Variants in COPS7B observed in about 807,000 individuals in gnomAD.
The protein encoded by COPS7B is COP9 signalosome subunit 7B.
Under a neutral mutation model 33.4 loss-of-function variants are expected in COPS7B, and 9 were observed. The observed-to-expected ratio is 0.27, with a 90% CI of 0.16 to 0.47. The LOEUF (loss-of-function observed/expected upper bound fraction) is 0.47. Ranked by LOEUF, COPS7B falls within the 20% of genes least tolerant of loss-of-function variation. The pLI, the probability that COPS7B is intolerant of heterozygous loss-of-function variation, is 0.99. For missense variants in COPS7B, 242 were observed against 318.2 expected (o/e 0.76, Z 1.82); for synonymous variants, 119 against 126.3 (o/e 0.94, Z 0.39).
upstream of COPS7B, chr2:231,786,070 T>C (rs2049231393): frequency 6.6e-6 from 1 of 152,036 alleles, no homozygotes; most frequent in African/African-American, 2.4e-5. Context: ...TGGCACATGG[T>C]AAAACGCTCA....
intron 6 of COPS7B, among the ~76,000 whole-genome samples, chr2:231,807,214 T>A (rs1263855262): frequency 6.6e-6 from 1 of 152,178 alleles, no homozygotes; most frequent in Non-Finnish European, 1.5e-5. Flanking sequence ...TAATCACGAT[T>A]TATTTCACTG....
rs2049958223 is a variant in COPS7B at position 231,808,442 on chromosome 2, T to G, written c.*797T>G. On this transcript the variant is annotated 3_prime_UTR_variant, in exon 7 of 7. Coordinates refer to ENST00000350033, the MANE Select transcript of COPS7B (RefSeq NM_022730.4). ...GTAGGCCCCAGCTGCCCACTGGAAC[T>G]GCCGGCTAATGCTTGCTCTCCCAAG... 2.1e-6 allele frequency: 1 copy of G among 471,590 alleles called. No homozygotes were observed. The highest frequency in any genetic ancestry group is 4.4e-6 in the Non-Finnish European group (1 of 227,176). The allele number at this position is 471,590 out of a possible 1,614,324, so 29.2% of individuals were successfully genotyped here. A position where few individuals can be genotyped will look rare whatever the true frequency, so the allele number is the denominator to read the frequency against.
In COPS7B at chr2:231,807,956, C is replaced by A. The variant is rs554955426; in HGVS notation, c.*311C>A. ...AGGGCTTGTCTCCCTCCCAGTTTTT[C>A]TTTTGCTCCACGTCATTTTGTCAGG... On this transcript the variant is annotated 3_prime_UTR_variant, in exon 7 of 7. Coordinates refer to ENST00000350033, the MANE Select transcript of COPS7B (RefSeq NM_022730.4). 65 of 250,360 alleles carry A rather than the reference C, an allele frequency of 2.6e-4. No homozygotes were observed. The highest frequency in any genetic ancestry group is 4.7e-4 in the Non-Finnish European group (61 of 130,918). The allele number at this position is 250,360 out of a possible 1,614,324, so 15.5% of individuals were successfully genotyped here.
intron 6 of COPS7B, among the ~76,000 whole-genome samples, chr2:231,801,702 A>G (rs1357638689): frequency 6.7e-6 from 1 of 149,610 alleles, no homozygotes; most frequent in Non-Finnish European, 1.5e-5. Context: ...GCCTAACCTC[A>G]AGCTATCCTC....
upstream of COPS7B, chr2:231,781,743 A>G: frequency 2.3e-6 from 3 of 1,280,940 alleles, no homozygotes; most frequent in Non-Finnish European, 3.3e-6. Context: ...GCAAATTCAC[A>G]AACCCGCCCG....
intron 6 of COPS7B, chr2:231,801,216 T>G (rs1284548748): frequency 6.4e-7 from 1 of 1,550,486 alleles, no homozygotes; most frequent in Non-Finnish European, 8.7e-7. Flanking sequence ...TGGTGAGTTG[T>G]AGCTTTAAGA....
Position 231,808,374 on chromosome 2 carries a change from A to G in COPS7B, c.*729A>G, listed in dbSNP as rs1300516835. The G allele has an allele frequency of 1.5e-5, 7 of 464,282 alleles. No homozygotes were observed. The highest frequency in any genetic ancestry group is 2.7e-5 in the Non-Finnish European group (6 of 223,670). The allele number at this position is 464,282 out of a possible 1,614,324, so 28.8% of individuals were successfully genotyped here. On this transcript the variant is annotated 3_prime_UTR_variant, in exon 7 of 7. Coordinates refer to ENST00000350033, the MANE Select transcript of COPS7B (RefSeq NM_022730.4). ...TCCGGCTTGGCGTTCTCTCCTGGCC[A>G]CTCTTCCTGCTGCCTCTGACTACTC...
At chr2:231,802,943 G>A (rs922113391) in intron 6 of COPS7B, among the ~76,000 whole-genome samples, 1 of 152,250 alleles carries the variant, frequency 6.6e-6, no homozygotes, top group African/African-American at 2.4e-5. Context: ...GCCCAGGCCA[G>A]GCCTTTGTGG....
chr2:231,804,215 A>T (rs2049828419), intron 6 of COPS7B, among the ~76,000 whole-genome samples: 1 of 152,010 alleles, frequency 6.6e-6, no homozygotes, highest in African/African-American at 2.4e-5. Context: ...AGACATGTTA[A>T]ATAATGTAGA....
chr2:231,788,406 G>A (rs2049314930), intron 1 of COPS7B, 149 bp from the exon 2 acceptor site: 1 of 694,638 alleles, frequency 1.4e-6, no homozygotes, highest in Non-Finnish European at 2.3e-6. Flanking sequence ...AAAGTGCTGG[G>A]ATTACAGGCA....
At chr2:231,781,710 C>A, upstream of COPS7B, 2 of 817,960 alleles carry the variant, frequency 2.4e-6, no homozygotes, top group Non-Finnish European at 4.0e-6. Flanking sequence ...GTAACTTAGA[C>A]TCCAGTGTGC....
rs2049937684 is a variant in COPS7B at position 231,807,710 on chromosome 2, A to G, written c.*65A>G. ...GGTGGGGAGGGGACACCAAGGGCCC[A>G]TTTCCTCCCCTCTCTACCTGCAGTG... On this transcript the variant is annotated 3_prime_UTR_variant, in exon 7 of 7. Coordinates refer to ENST00000350033, the MANE Select transcript of COPS7B (RefSeq NM_022730.4). 1 of 1,428,540 alleles carries G rather than the reference A, an allele frequency of 7.0e-7. No homozygotes were observed. The highest frequency in any genetic ancestry group is 1.5e-5 in the African/African-American group (1 of 68,906). The allele number at this position is 1,428,540 out of a possible 1,614,324, so 88.5% of individuals were successfully genotyped here.
chr2:231,791,774 C>G lies in COPS7B; in HGVS notation c.204C>G (p.Asn68Lys). 1 of 1,614,078 alleles carries G rather than the reference C, an allele frequency of 6.2e-7. No individual in the cohort carries two copies. ...GANAAYLQLLNLFAYGTYPDY... is the reference protein window; with the variant it reads ...GANAAYLQLLKLFAYGTYPDY... ...ATGCTGCTTATTTGCAGTTGTTGAA[C>G]CTGTTTGCCTATGGGACATACCCAG... Residue 68 changes from asparagine (N) to lysine (K), a missense_variant, in exon 3 of 7, where the codon AAC becomes AAG. Physicochemically the swap from Asn to Lys is moderately conservative, Grantham distance 94. Transcript: ENST00000350033.
upstream of COPS7B, among the ~76,000 whole-genome samples, chr2:231,782,334 C>G (rs1441041497): frequency 6.6e-6 from 1 of 152,114 alleles, no homozygotes; most frequent in African/African-American, 2.4e-5. Flanking sequence ...GGATTTCTTG[C>G]GAGTGAGGGA....
At chr2:231,785,257 C>A (rs189523667), upstream of COPS7B, among the ~76,000 whole-genome samples, 82 of 152,308 alleles carry the variant, frequency 5.4e-4, 1 homozygote, top group African/African-American at 2.0e-3. Flanking sequence ...GCTTAAAAAG[C>A]CTAAGTAATT....
Position 231,805,843 on chromosome 2 carries a change from C to T in COPS7B, c.637-1644C>T, listed in dbSNP as rs1430036590. ...TTTTTTTTTTTAAGAAAGACAGGGTCCCACTATGTTGCCCAGGCTGGTCTT... is the reference window on the plus strand; with the variant it reads ...TTTTTTTTTTTAAGAAAGACAGGGTTCCACTATGTTGCCCAGGCTGGTCTT... On this transcript the variant is annotated intron_variant, in intron 6 of 6. Transcript: ENST00000350033. Among the ~76,000 whole-genome samples the T allele has an allele frequency of 2.6e-5, 4 of 151,280 alleles. No individual in the cohort carries two copies. The South Asian group carries it at 8.3e-4, about 32-fold the overall frequency.
chr2:231,788,787 G>A, intron 2 of COPS7B, 55 bp downstream of exon 2: 1 of 1,541,900 alleles, frequency 6.5e-7, no homozygotes, highest in Non-Finnish European at 8.9e-7. Flanking sequence ...TAATTCTCCA[G>A]GTTTCCAAAG....
chr2:231,786,519 C>G lies in COPS7B; in HGVS notation c.-36C>G, dbSNP rs1157774456. On this transcript the variant is annotated 5_prime_UTR_variant, in exon 1 of 7. Transcript: ENST00000350033. ...GAGGCCGAGCCAGCGACTAAGAGGA[C>G]CGAGAGGTGGCGTGGACAGGTAGGA... 1 of 985,846 alleles carries G rather than the reference C, an allele frequency of 1.0e-6. No homozygotes were observed. The allele number at this position is 985,846 out of a possible 1,614,324, so 61.1% of individuals were successfully genotyped here.
chr2:231,787,656 G>C (rs991556534), intron 1 of COPS7B, among the ~76,000 whole-genome samples: 2 of 151,944 alleles, frequency 1.3e-5, no homozygotes, highest in Non-Finnish European at 2.9e-5. Context: ...TTTTCCCCAT[G>C]GTCTTACACA....
Sources: gnomAD v4.1 joint callset for allele counts (sites outside exome capture counted in the v4.1 genomes callset) on GRCh38, gnomAD v4.1.1 for gene constraint, MANE v1.5 for transcripts, NCBI Gene and HGNC (gene_info 2026-07-23, HGNC 2026-07-21) for gene names.